Variants in SQSTM1 observed in about 807,000 individuals in gnomAD.
SQSTM1 encodes sequestosome-1.
SQSTM1 carries 36 observed loss-of-function variants against 45.1 expected under a neutral mutation model. The ratio of observed to expected loss-of-function variants is 0.80; its 90% CI spans 0.61 to 1.05. The LOEUF (loss-of-function observed/expected upper bound fraction) is 1.05, where lower values mean the gene tolerates loss of function less well. Ranked by LOEUF, SQSTM1 falls within the 50% of genes least tolerant of loss-of-function variation. The pLI is 0.00. For synonymous variants in SQSTM1, 290 were observed against 244.3 expected, an observed-to-expected ratio of 1.19 and a Z score of -1.74; for missense variants, 617 against 607.1, an observed-to-expected ratio of 1.02 and a Z score of -0.17.
intron 7 of SQSTM1, chr5:179,835,821 G>A (rs891067743): frequency 6.0e-6 from 1 of 165,848 alleles, no homozygotes; most frequent in Non-Finnish European, 1.3e-5. Flanking sequence ...CTCCGTCCAA[G>A]TTGCTGCAAA....
At chr5:179,811,525 CT>C (rs1296339309) in intron 1 of SQSTM1, 3 of 152,526 alleles carry the variant, frequency 2.0e-5, no homozygotes, top group Non-Finnish European at 4.4e-5. Flanking sequence ...CCCTGTTTCC[CT>C]TTTTTTCCTT....
intron 4 of SQSTM1, 48 bp downstream of exon 4, chr5:179,824,371 CA>C (rs776917402): frequency 5.6e-6 from 9 of 1,612,832 alleles, no homozygotes; most frequent in Admixed American, 1.7e-5. Flanking sequence ...AGTAGTCAGG[CA>C]GCCTGTGTGC....
chr5:179,834,137 CAG>C (rs1432201676), intron 7 of SQSTM1, among the ~76,000 whole-genome samples: 1 of 128,028 alleles, frequency 7.8e-6, no homozygotes, highest in African/African-American at 3.1e-5. Context: ...AGTGCCGCCT[CAG>C]GGAGTGCTGG....
At position 179,836,632 on chromosome 5, in the gene SQSTM1, C is replaced by T; in HGVS notation, c.*39C>T. 1.2e-6 allele frequency: 2 copies of T among 1,613,948 alleles called. No individual in the cohort carries two copies. Among genetic ancestry groups the T allele is most frequent in the African/African-American group, 2.7e-5 (2 of 74,998 alleles). On this transcript the variant is annotated 3_prime_UTR_variant, in exon 8 of 8. Transcript: ENST00000389805. ...CCTCTTCTGCGTGCCCCTCTTCTGTCTCATAGTTGTGTTAAGCTTGCGTAG... is the reference window on the plus strand; with the variant it reads ...CCTCTTCTGCGTGCCCCTCTTCTGTTTCATAGTTGTGTTAAGCTTGCGTAG...
intron 7 of SQSTM1, 143 bp from the exon 8 acceptor site, chr5:179,836,293 T>C: frequency 9.2e-7 from 1 of 1,081,186 alleles, no homozygotes; most frequent in Non-Finnish European, 1.4e-6. Context: ...GCAGGTCCAC[T>C]GTGGCCTGTG....
intron 7 of SQSTM1, chr5:179,836,044 G>A (rs1758536806): frequency 3.1e-6 from 1 of 324,846 alleles, no homozygotes; most frequent in Admixed American, 4.3e-5. Flanking sequence ...AATGTATCTT[G>A]TATCCATTCA....
chr5:179,828,332 AACTTTTCT>A (rs1206188178), intron 5 of SQSTM1, among the ~76,000 whole-genome samples: 1 of 149,650 alleles, frequency 6.7e-6, no homozygotes, highest in Non-Finnish European at 1.5e-5. Flanking sequence ...TCAACTTTTC[AACTTTTCT>A]GTTTGTTTCA....
chr5:179,806,591 G>A lies in SQSTM1; in HGVS notation c.-157G>A. 8.0e-7 allele frequency: 1 copy of A among 1,245,760 alleles called. No individual in the cohort carries two copies. Among genetic ancestry groups the A allele is most frequent in the Non-Finnish European group, 1.0e-6 (1 of 965,962 alleles). 77.2% of individuals were successfully genotyped at this position (1,245,760 alleles called of 1,614,324 possible). A position where few individuals can be genotyped will look rare whatever the true frequency, so the allele number is the denominator to read the frequency against. ...GCCATTGCGGAGCCTCATCTCCTCG[G>A]GTGCGCGGCGGGCGCCCGCGGGGCC... On this transcript the variant is annotated splice_region_variant and 5_prime_UTR_variant, in exon 1 of 6. Coordinates refer to the SQSTM1 transcript ENST00000514093. The surrounding 1 kb of genome is among the most constrained non-coding windows in gnomAD (Gnocchi z 4.6).
chr5:179,808,154 G>A (rs1360737393), intron 1 of SQSTM1: 3 of 152,304 alleles, frequency 2.0e-5, no homozygotes, highest in Non-Finnish European at 4.4e-5. Context: ...GGGGAGGCCC[G>A]AGGGGCTGGA....
intron 1 of SQSTM1, chr5:179,807,073 A>G (rs1291908221): frequency 4.0e-5 from 6 of 151,144 alleles, no homozygotes; most frequent in Admixed American, 2.0e-4. Flanking sequence ...GGCGGCCGGG[A>G]TCCCGATCGG....
intron 5 of SQSTM1, among the ~76,000 whole-genome samples, chr5:179,832,523 T>C (rs553891662): frequency 1.3e-5 from 2 of 152,314 alleles, no homozygotes; most frequent in Non-Finnish European, 2.9e-5. Context: ...AGGAGGCACA[T>C]GGCCTTCCAT....
chr5:179,831,495 C>G (rs1181334810), intron 5 of SQSTM1, among the ~76,000 whole-genome samples: 2 of 152,134 alleles, frequency 1.3e-5, no homozygotes, highest in Non-Finnish European at 2.9e-5. Flanking sequence ...AACCCCGTCT[C>G]TACTAAAAAT....
chr5:179,836,231 A>G (rs1758547574), intron 7 of SQSTM1: 2 of 653,760 alleles, frequency 3.1e-6, no homozygotes, highest in East Asian at 2.6e-5. Context: ...CTGGTGTCGC[A>G]GTGGCAGAGT....
chr5:179,814,620 GAGAA>G (rs1757526476), upstream of SQSTM1, among the ~76,000 whole-genome samples: 1 of 152,346 alleles, frequency 6.6e-6, no homozygotes, highest in East Asian at 1.9e-4. Flanking sequence ...TCTTGGCAAA[GAGAA>G]AGAGAGCTCT....
intron 2 of SQSTM1, chr5:179,812,329 C>CTG (rs1285785860): frequency 1.3e-5 from 2 of 152,204 alleles, no homozygotes; most frequent in African/African-American, 4.8e-5. Flanking sequence ...TGCAGAAAGG[C>CTG]TGGGGTTCCT....
Position 179,837,355 on chromosome 5 carries a change from CAA to C in SQSTM1, c.*763_*764del, listed in dbSNP as rs1758628568. On this transcript the variant is annotated 3_prime_UTR_variant, in exon 8 of 8. Coordinates refer to ENST00000389805, the MANE Select transcript of SQSTM1 (RefSeq NM_003900.5). Reference sequence around the variant, plus strand: ...CTTAGGGGAACCCTGTCCCTCCTAACAAGTGTATCTCGATTAATAACCTGCCA... The same window carrying C: ...CTTAGGGGAACCCTGTCCCTCCTAACGTGTATCTCGATTAATAACCTGCCA... 1.9e-6 allele frequency: 3 copies of C among 1,582,864 alleles called. No homozygotes were observed. Among genetic ancestry groups the C allele is most frequent in the Non-Finnish European group, 1.7e-6 (2 of 1,164,086 alleles).
At position 179,824,560 on chromosome 5, in the gene SQSTM1, T is replaced by G. The variant is rs79838921; in HGVS notation, c.673+237T>G. Among the ~76,000 whole-genome samples the G allele has an allele frequency of 0.021, 3,221 of 152,206 alleles. 44 individuals are homozygous for G. Among genetic ancestry groups the G allele is most frequent in the Middle Eastern group, 0.048 (14 of 294 alleles). On this transcript the variant is annotated intron_variant, in intron 4 of 7. Coordinates refer to ENST00000389805, the MANE Select transcript of SQSTM1 (RefSeq NM_003900.5). ...ACAAATTTACCTGCACAGCCCTTCC[T>G]ACCTCAGGAGGCTGCCCTCTCAAGG...
chr5:179,837,323 A>G lies in SQSTM1; in HGVS notation c.*730A>G, dbSNP rs1418203902. On this transcript the variant is annotated 3_prime_UTR_variant, in exon 8 of 8. Coordinates refer to ENST00000389805, the MANE Select transcript of SQSTM1 (RefSeq NM_003900.5). ...TAATGGTTCTTACAGAGTATCTTTA[A>G]AAGTGCCTTAGGGGAACCCTGTCCC... The G allele has an allele frequency of 1.1e-5, 18 of 1,589,356 alleles. No homozygotes were observed. Among genetic ancestry groups the G allele is most frequent in the African/African-American group, 2.7e-5 (2 of 74,154 alleles).
At chr5:179,834,431 T>A (rs981405989) in intron 7 of SQSTM1, among the ~76,000 whole-genome samples, 3 of 99,582 alleles carry the variant, frequency 3.0e-5, no homozygotes, top group East Asian at 3.4e-4. Context: ...TTATTTATTT[T>A]TATTGATCAT....
Sources: allele counts gnomAD v4.1 joint callset (sites outside exome capture counted in the v4.1 genomes callset), GRCh38; gene constraint gnomAD v4.1.1; non-coding constraint Gnocchi (gnomAD v3.1); transcripts MANE v1.5; gene names NCBI Gene and HGNC (gene_info 2026-07-23, HGNC 2026-07-21).